PCDH15: variants seen among roughly 807,000 people sequenced by gnomAD.
PCDH15 encodes protocadherin-15.
Under a neutral mutation model 178.5 loss-of-function variants are expected in PCDH15, and 129 were observed. The observed-to-expected ratio is 0.72, with a 90% CI of 0.63 to 0.84. PCDH15 has a LOEUF of 0.84. Ranked by LOEUF, PCDH15 falls within the 40% of genes least tolerant of loss-of-function variation. PCDH15 has a pLI of 0.00. For missense variants in PCDH15, 2,230 were observed against 2,099.9 expected, an observed-to-expected ratio of 1.06 and a Z score of -1.21; for synonymous variants, 800 against 732.0, an observed-to-expected ratio of 1.09 and a Z score of -1.50.
intron 18 of PCDH15, among the ~76,000 whole-genome samples, chr10:54,049,021 T>C (rs2093712465): frequency 6.6e-6 from 1 of 152,182 alleles, no homozygotes; most frequent in Non-Finnish European, 1.5e-5. Context: ...CTTTTCCATT[T>C]GTTTGTGCCA....
At chr10:54,003,511 G>T (rs996863301) in intron 20 of PCDH15, among the ~76,000 whole-genome samples, 2 of 151,718 alleles carry the variant, frequency 1.3e-5, no homozygotes, top group South Asian at 2.1e-4. Flanking sequence ...AAATCAAGAA[G>T]AAACAAATAA....
At chr10:55,419,404 T>C (rs1465715823) in intron 2 of PCDH15, among the ~76,000 whole-genome samples, 2 of 151,760 alleles carry the variant, frequency 1.3e-5, no homozygotes, top group African/African-American at 4.8e-5. Context: ...AACCATCTAT[T>C]AAACAGCAAT....
chr10:53,991,728 C>T (rs888752976), intron 21 of PCDH15, among the ~76,000 whole-genome samples: 10 of 152,076 alleles, frequency 6.6e-5, no homozygotes, highest in African/African-American at 2.2e-4. Flanking sequence ...CTAGTGGGGA[C>T]TTGGAGAACT....
rs1839404982 is a variant in PCDH15 at position 54,987,658 on chromosome 10, GTC to G, written c.-79-90160_-79-90159del. ...TCATATGTTTTTTGGCCGCATAAAT[GTC>G]TTCTTTTGAGAAGTGTCTGTTTATA... On this transcript the variant is annotated intron_variant, in intron 2 of 5. Transcript: ENST00000458638. Among the ~76,000 whole-genome samples the G allele has an allele frequency of 2.0e-5, 3 of 149,260 alleles. No homozygotes were observed. In the South Asian group the frequency reaches 6.3e-4, roughly 31 times the overall value.
Position 54,183,491 on chromosome 10 carries a change from C to T in PCDH15, c.1543G>A (p.Asp515Asn). The change falls in exon 13 of 38, where the codon GAT (aspartate) becomes AAT (asparagine). Residue 515 changes from aspartate to asparagine, a missense_variant. Asp to Asn is a conservative substitution (Grantham distance 23). Transcript: ENST00000644397. The stretch of plus-strand genomic sequence containing the variant: ...CTCATGTCTGTATAAACATACACAT[C>T]ATAGGATATTTCAGGGAAGGTTGGC... ...NTPTFPEISYDVYVYTDMRPG... is the reference protein window; with the variant it reads ...NTPTFPEISYNVYVYTDMRPG... 1.2e-6 allele frequency: 2 copies of T among 1,613,740 alleles called. No individual in the cohort carries two copies. The highest frequency in any genetic ancestry group is 8.5e-7 in the Non-Finnish European group (1 of 1,179,706).
intron 13 of PCDH15, among the ~76,000 whole-genome samples, chr10:54,174,833 T>G (rs1200411810): frequency 6.6e-6 from 1 of 151,460 alleles, no homozygotes; most frequent in Non-Finnish European, 1.5e-5. Flanking sequence ...GTTGCTAGTT[T>G]CTTAGATTGG....
At chr10:53,907,837 AAGG>A (rs1317263187) in intron 25 of PCDH15, among the ~76,000 whole-genome samples, 2 of 152,210 alleles carry the variant, frequency 1.3e-5, no homozygotes, top group African/African-American at 4.8e-5. Flanking sequence ...AACATGGTAG[AAGG>A]AGTTCAGAAG....
intron 25 of PCDH15, among the ~76,000 whole-genome samples, chr10:53,916,858 T>C (rs1204183209): frequency 6.6e-6 from 1 of 152,094 alleles, no homozygotes; most frequent in African/African-American, 2.4e-5. Context: ...AGCTTTACTA[T>C]TTCATATATG....
chr10:54,555,653 C>T (rs998378722), intron 2 of PCDH15, among the ~76,000 whole-genome samples: 2 of 148,174 alleles, frequency 1.3e-5, no homozygotes, highest in African/African-American at 5.0e-5. Flanking sequence ...AGGAGAATAG[C>T]TTGAACCCAG....
intron 3 of PCDH15, among the ~76,000 whole-genome samples, chr10:54,422,991 T>C (rs1955741311): frequency 1.3e-5 from 2 of 152,182 alleles, no homozygotes; most frequent in Admixed American, 1.3e-4. Flanking sequence ...TCTTTTGAAG[T>C]CCTGTTTCAC....
chr10:54,324,732 T>A (rs1477737496), intron 7 of PCDH15, among the ~76,000 whole-genome samples: 1 of 152,096 alleles, frequency 6.6e-6, no homozygotes. Flanking sequence ...CCCCCTGCAC[T>A]ACAGCCTGGG....
chr10:54,964,906 G>A (rs778389169), intron 2 of PCDH15, among the ~76,000 whole-genome samples: 1 of 152,274 alleles, frequency 6.6e-6, no homozygotes, highest in South Asian at 2.1e-4. Flanking sequence ...AGAAAGAGCA[G>A]CCAACTCTGA....
At chr10:55,356,092 G>A (rs1196937029) in intron 2 of PCDH15, among the ~76,000 whole-genome samples, 5 of 151,680 alleles carry the variant, frequency 3.3e-5, no homozygotes, top group East Asian at 3.9e-4. Context: ...TACTAATTCC[G>A]ACACAACTAA....
At chr10:54,287,407 T>C (rs2132887007) in intron 8 of PCDH15, among the ~76,000 whole-genome samples, 1 of 152,286 alleles carries the variant, frequency 6.6e-6, no homozygotes, top group Non-Finnish European at 1.5e-5. Context: ...ATGTAGCACA[T>C]TTCTTTAAAA....
chr10:53,902,339 C>G (rs1047589494), intron 26 of PCDH15, among the ~76,000 whole-genome samples: 1 of 152,004 alleles, frequency 6.6e-6, no homozygotes, highest in Non-Finnish European at 1.5e-5. Flanking sequence ...GTAAGAAGAG[C>G]TCTAATCATG....
intron 2 of PCDH15, among the ~76,000 whole-genome samples, chr10:55,363,631 C>G (rs1338454248): frequency 6.6e-6 from 1 of 151,706 alleles, no homozygotes; most frequent in Non-Finnish European, 1.5e-5. Context: ...TTTCTTTTTT[C>G]TTTTTTTGGT....
chr10:53,812,047 C>A (rs2075885157), intron 35 of PCDH15, among the ~76,000 whole-genome samples: 1 of 151,908 alleles, frequency 6.6e-6, no homozygotes, highest in South Asian at 2.1e-4. Context: ...TTTTTTTCAT[C>A]TCCCCACTAA....
chr10:54,774,092 G>A (rs949444248), intron 1 of PCDH15, among the ~76,000 whole-genome samples: 24 of 135,798 alleles, frequency 1.8e-4, no homozygotes, highest in South Asian at 2.4e-4. Context: ...GCAGTGGCGC[G>A]GTCTCGGCTC....
intron 3 of PCDH15, among the ~76,000 whole-genome samples, chr10:54,476,380 T>C (rs1157212536): frequency 6.6e-6 from 1 of 152,106 alleles, no homozygotes; most frequent in East Asian, 1.9e-4. Flanking sequence ...GATTATCTAA[T>C]GGATTAAGAT....
Sources: gnomAD v4.1 joint callset for allele counts (sites outside exome capture counted in the v4.1 genomes callset) on GRCh38, gnomAD v4.1.1 for gene constraint, MANE v1.5 for transcripts, NCBI Gene and HGNC (gene_info 2026-07-23, HGNC 2026-07-21) for gene names.